The following MSH3 variants were observed in gnomAD, a reference collection of about 807,000 sequenced individuals.
MSH3 encodes the protein DNA mismatch repair protein Msh3.
In MSH3, 106 loss-of-function variants were observed where a neutral mutation model predicts 123.3. The ratio of observed to expected loss-of-function variants is 0.86; its 90% CI spans 0.73 to 1.01. The LOEUF is 1.01. Among genes scored for constraint, MSH3 ranks in the 50% least tolerant of loss-of-function variants. The probability of loss-of-function intolerance (pLI) is 0.00; values close to 1 mark genes in which losing one functional copy is unlikely to be tolerated. For missense variants in MSH3, 1,459 were observed against 1,347.6 expected (o/e 1.08, Z -1.29); for synonymous variants, 515 against 481.4 (o/e 1.07, Z -0.91).
chr5:80,714,647 T>C (rs1323544743), intron 8 of MSH3, among the ~76,000 whole-genome samples: 1 of 152,190 alleles, frequency 6.6e-6, no homozygotes, highest in Non-Finnish European at 1.5e-5. Flanking sequence ...AAGTGACAAG[T>C]CCATTTTTAT....
At chr5:80,678,824 T>C in intron 7 of MSH3, 103 bp from the exon 8 acceptor site, 1 of 1,274,308 alleles carries the variant, frequency 7.8e-7, no homozygotes, top group East Asian at 2.3e-5. Flanking sequence ...ACATACATAC[T>C]CCTGAGTGTA....
chr5:80,827,885 A>T (rs1362381978), intron 20 of MSH3, among the ~76,000 whole-genome samples: 1 of 152,100 alleles, frequency 6.6e-6, no homozygotes, highest in Non-Finnish European at 1.5e-5. Context: ...TTTAGACACT[A>T]TTTTTTTAAA....
At chr5:80,840,815 A>T (rs1054506127) in intron 20 of MSH3, among the ~76,000 whole-genome samples, 1 of 149,908 alleles carries the variant, frequency 6.7e-6, no homozygotes, top group Non-Finnish European at 1.5e-5. Context: ...TCATTGTTCA[A>T]CACCCACCTA....
intron 21 of MSH3, among the ~76,000 whole-genome samples, chr5:80,856,789 AATTCCAGTCTGT>A (rs1377867606): frequency 1.3e-5 from 2 of 152,198 alleles, no homozygotes; most frequent in African/African-American, 4.8e-5. Flanking sequence ...ATCACTTACT[AATTCCAGTCTGT>A]GTGTATGTTT....
chr5:80,860,604 T>C (rs1285742801), intron 21 of MSH3, among the ~76,000 whole-genome samples: 3 of 152,022 alleles, frequency 2.0e-5, no homozygotes, highest in Non-Finnish European at 4.4e-5. Flanking sequence ...TTCTTTATCT[T>C]TGGTTTTCTG....
In MSH3 at chr5:80,876,635, A is replaced by T. The variant is rs778691623; in HGVS notation, c.*773A>T. On this transcript the variant is annotated 3_prime_UTR_variant, in exon 24 of 24. Transcript: ENST00000265081. ...CAGAGCAAGACTCCATCTCAAAAAAAAAAAAAGAAAAAAGAAAAGAAATAG... is the reference window on the plus strand; with the variant it reads ...CAGAGCAAGACTCCATCTCAAAAAATAAAAAAGAAAAAAGAAAAGAAATAG... Among the ~76,000 whole-genome samples the T allele has an allele frequency of 1.8e-4, 20 of 111,846 alleles. No homozygotes were observed. In the East Asian group the frequency reaches 6.8e-3, roughly 38 times the overall value. 73.4% of individuals were successfully genotyped at this position (111,846 alleles called of 152,430 possible).
chr5:80,735,657 C>G (rs758599869), intron 10 of MSH3, among the ~76,000 whole-genome samples: 7 of 152,000 alleles, frequency 4.6e-5, no homozygotes, highest in Non-Finnish European at 7.4e-5. Flanking sequence ...TACCACTGCA[C>G]TCAAGCCTGG....
At chr5:80,858,504 A>G (rs982319176) in intron 21 of MSH3, among the ~76,000 whole-genome samples, 1 of 152,050 alleles carries the variant, frequency 6.6e-6, no homozygotes, top group Non-Finnish European at 1.5e-5. Flanking sequence ...GTCTCCATGT[A>G]TTTGGGGATT....
intron 20 of MSH3, among the ~76,000 whole-genome samples, chr5:80,849,226 C>T (rs1179456287): frequency 6.6e-6 from 1 of 152,178 alleles, no homozygotes; most frequent in Admixed American, 6.5e-5. Context: ...CTGTGCTTTG[C>T]AGGGTACAGC....
At chr5:80,837,868 C>T (rs1421665830) in intron 20 of MSH3, among the ~76,000 whole-genome samples, 2 of 152,142 alleles carry the variant, frequency 1.3e-5, no homozygotes, top group East Asian at 1.9e-4. Flanking sequence ...ACTAGAGATG[C>T]ATCCACTTTC....
intron 10 of MSH3, among the ~76,000 whole-genome samples, chr5:80,738,846 G>C (rs1245345652): frequency 6.6e-6 from 1 of 152,122 alleles, no homozygotes; most frequent in Non-Finnish European, 1.5e-5. Flanking sequence ...TAGGTTATGA[G>C]GGCAGATCGT....
At position 80,692,249 on chromosome 5, in the gene MSH3, G is replaced by T. The variant is rs1224572824; in HGVS notation, c.1340+13156G>T. On this transcript the variant is annotated intron_variant, in intron 8 of 23. Transcript: ENST00000265081. ...AGATAGATAAACATGTATATGTTTAGATAGATAGATAAACATGTATATGTT... is the reference window on the plus strand; with the variant it reads ...AGATAGATAAACATGTATATGTTTATATAGATAGATAAACATGTATATGTT... Among the ~76,000 whole-genome samples the T allele has an allele frequency of 4.0e-3, 232 of 57,850 alleles. 1 individual carries two copies. The highest frequency in any genetic ancestry group is 0.015 in the East Asian group (27 of 1,806). The allele number at this position is 57,850 out of a possible 152,430, so 38.0% of individuals were successfully genotyped here. A position where few individuals can be genotyped will look rare whatever the true frequency, so the allele number is the denominator to read the frequency against.
chr5:80,778,665 T>C lies in MSH3; in HGVS notation c.2319-55T>C. The C allele has an allele frequency of 3.1e-6, 3 of 965,684 alleles. No individual in the cohort carries two copies. In the South Asian group the frequency reaches 3.8e-5, roughly 12 times the overall value. 59.8% of individuals were successfully genotyped at this position (965,684 alleles called of 1,614,324 possible). ...TAACTAATTTTCTAAAGTGATGGCA[T>C]TTCGGATTTTTTACTAACCTTGATT... On this transcript the variant is annotated intron_variant, in intron 16 of 23. Transcript: ENST00000265081.
chr5:80,777,975 G>GT (rs746354344), intron 16 of MSH3, among the ~76,000 whole-genome samples: 1 of 152,132 alleles, frequency 6.6e-6, no homozygotes, highest in Non-Finnish European at 1.5e-5. Flanking sequence ...TATTATCCCC[G>GT]TTTCATAGAT....
At chr5:80,742,431 A>G (rs1743633775) in intron 11 of MSH3, among the ~76,000 whole-genome samples, 1 of 152,256 alleles carries the variant, frequency 6.6e-6, no homozygotes, top group Non-Finnish European at 1.5e-5. Context: ...ACATTATATT[A>G]TAAAATTAAT....
chr5:80,740,125 A>G (rs1311189751), intron 10 of MSH3, among the ~76,000 whole-genome samples: 1 of 121,376 alleles, frequency 8.2e-6, no homozygotes. Flanking sequence ...GAATTACTGC[A>G]TTAGTACTGC....
intron 20 of MSH3, among the ~76,000 whole-genome samples, chr5:80,841,245 T>TA (rs1340873828): frequency 1.3e-5 from 2 of 152,236 alleles, no homozygotes; most frequent in African/African-American, 4.8e-5. Context: ...CATCCTTTTT[T>TA]ATGGCTGCAT....
intron 10 of MSH3, among the ~76,000 whole-genome samples, chr5:80,735,555 C>T (rs1440528686): frequency 2.6e-5 from 4 of 151,616 alleles, no homozygotes; most frequent in Admixed American, 1.3e-4. Context: ...ACACTGGTGG[C>T]GGGCACCTGT....
At chr5:80,829,293 G>GCATTA (rs1745378588) in intron 20 of MSH3, among the ~76,000 whole-genome samples, 1 of 152,178 alleles carries the variant, frequency 6.6e-6, no homozygotes. Context: ...GGTAAGAGGT[G>GCATTA]ACAGCTTCCT....
Sources: gnomAD v4.1 joint callset for allele counts (sites outside exome capture counted in the v4.1 genomes callset) on GRCh38, gnomAD v4.1.1 for gene constraint, MANE v1.5 for transcripts, NCBI Gene and HGNC (gene_info 2026-07-23, HGNC 2026-07-21) for gene names.